Variants in SHQ1 observed in about 807,000 individuals in gnomAD.
SHQ1 encodes SHQ1, H/ACA ribonucleoprotein assembly factor, also known as protein SHQ1 homolog.
SHQ1 carries 49 observed loss-of-function variants against 53.8 expected under a neutral mutation model. That is an observed-to-expected ratio of 0.91 (90% confidence interval 0.72 to 1.16). The LOEUF (loss-of-function observed/expected upper bound fraction) is 1.16, where lower values mean the gene tolerates loss of function less well. Ranked by LOEUF, SHQ1 falls within the 50% of genes most tolerant of loss-of-function variation. The pLI is 0.00. For synonymous variants in SHQ1, 243 were observed against 251.0 expected, an observed-to-expected ratio of 0.97 and a Z score of 0.30; for missense variants, 738 against 683.1, an observed-to-expected ratio of 1.08 and a Z score of -0.90.
intron 10 of SHQ1, among the ~76,000 whole-genome samples, chr3:72,776,586 T>C (rs1406520925): frequency 6.6e-6 from 1 of 152,066 alleles, no homozygotes; most frequent in Admixed American, 6.5e-5. Flanking sequence ...AGTAATTTTT[T>C]TAAAAAAGTA....
chr3:72,836,284 T>TA (rs1332566067), intron 4 of SHQ1, among the ~76,000 whole-genome samples: 1 of 152,138 alleles, frequency 6.6e-6, no homozygotes, highest in Non-Finnish European at 1.5e-5. Context: ...GGTCAGGAGA[T>TA]AGAGATCATC....
intron 9 of SHQ1, among the ~76,000 whole-genome samples, chr3:72,800,264 T>A (rs1021251582): frequency 1.3e-5 from 2 of 152,202 alleles, no homozygotes; most frequent in African/African-American, 4.8e-5. Context: ...GCCAATAATT[T>A]ATGTTCTTTA....
intron 5 of SHQ1, among the ~76,000 whole-genome samples, chr3:72,827,163 T>C (rs976989544): frequency 5.9e-5 from 9 of 152,130 alleles, no homozygotes; most frequent in Admixed American, 4.6e-4. Flanking sequence ...GACAACAGTG[T>C]CCTTCGTTGA....
rs1258986427 is a variant in SHQ1 at position 72,749,473 on chromosome 3, T to A, written c.*811A>T. 4.6e-6 allele frequency: 1 copy of A among 216,418 alleles called. No homozygotes were observed. Among genetic ancestry groups the A allele is most frequent in the East Asian group, 6.8e-5 (1 of 14,666 alleles). The allele number at this position is 216,418 out of a possible 1,614,324, so 13.4% of individuals were successfully genotyped here. On this transcript the variant is annotated 3_prime_UTR_variant, in exon 11 of 11. Coordinates refer to ENST00000325599, the MANE Select transcript of SHQ1 (RefSeq NM_018130.3). ...ATAACTATACTGAGTAAAATATGCC[T>A]GACCAAAAAAGGGATACATATTGTA...
intron 5 of SHQ1, among the ~76,000 whole-genome samples, chr3:72,827,177 A>C (rs1012650320): frequency 6.6e-6 from 1 of 151,722 alleles, no homozygotes; most frequent in Non-Finnish European, 1.5e-5. Context: ...TCGTTGAGAC[A>C]GGGAAGCTAA....
At position 72,841,192 on chromosome 3, in the gene SHQ1, A is replaced by G; in HGVS notation, c.339T>C (p.Ser113=). ...CGTCAACTACTTCCTCAGGAATCTC[A>G]GAAGCACCTGAATGTGTTAAATTTT... ...AKPLVEEIGA[S]EIPEEVVDDE... Residue 113 remains serine (S), a synonymous_variant, in exon 4 of 11, where the codon TCT becomes TCC. Coordinates refer to ENST00000325599, the MANE Select transcript of SHQ1 (RefSeq NM_018130.3). 1 of 1,609,926 alleles carries G rather than the reference A, an allele frequency of 6.2e-7. No individual in the cohort carries two copies. The highest frequency in any genetic ancestry group is 1.7e-5 in the Admixed American group (1 of 59,514).
the SHQ1 span, among the ~76,000 whole-genome samples, chr3:72,735,291 G>A: frequency 6.7e-6 from 1 of 150,368 alleles, no homozygotes; most frequent in African/African-American, 2.5e-5. Flanking sequence ...AGTGGGGGCG[G>A]TTCTTCCGCT....
At chr3:72,841,535 A>T (rs557937506) in intron 3 of SHQ1, among the ~76,000 whole-genome samples, 1 of 152,318 alleles carries the variant, frequency 6.6e-6, no homozygotes, top group East Asian at 1.9e-4. Flanking sequence ...AACAGGCAAA[A>T]CAGAGGATAG....
chr3:72,726,701 C>G, the SHQ1 span, among the ~76,000 whole-genome samples: 17 of 152,186 alleles, frequency 1.1e-4, no homozygotes, highest in Non-Finnish European at 1.5e-4. Flanking sequence ...CATTCCAGCA[C>G]AAGCTCAGGG....
chr3:72,807,053 C>G (rs1199657848), intron 9 of SHQ1, among the ~76,000 whole-genome samples: 2 of 152,078 alleles, frequency 1.3e-5, no homozygotes, highest in Admixed American at 6.5e-5. Flanking sequence ...GGCATACATT[C>G]AAAATATGTG....
the SHQ1 span, among the ~76,000 whole-genome samples, chr3:72,736,093 G>C: frequency 1.3e-5 from 2 of 151,686 alleles, no homozygotes; most frequent in East Asian, 3.8e-4. Flanking sequence ...TGATTGACTA[G>C]GCTTGAGACA....
chr3:72,735,889 A>ATCTCTC, the SHQ1 span, among the ~76,000 whole-genome samples: 8 of 145,502 alleles, frequency 5.5e-5, no homozygotes, highest in South Asian at 1.8e-3. Context: ...AAATGTGTCA[A>ATCTCTC]TCTCTCTCTC....
At chr3:72,814,996 T>C (rs940493242) in intron 8 of SHQ1, among the ~76,000 whole-genome samples, 3 of 152,096 alleles carry the variant, frequency 2.0e-5, no homozygotes, top group East Asian at 1.9e-4. Context: ...TGTGTGTGTG[T>C]TCTTAGCATA....
chr3:72,848,224 C>A lies in SHQ1; in HGVS notation c.117G>T (p.Lys39Asn). The change falls in exon 1 of 11, where the codon AAG (lysine) becomes AAT (asparagine). Residue 39 changes from lysine (K) to asparagine (N), a missense_variant. By Grantham distance (94) the Lys-to-Asn change is moderately conservative. Transcript: ENST00000325599. ...TGAGAAAGTATGGCTTGGCGTAGAA[C>A]TTGAAGTCAGACCCCTCGAAGTAGA... Reference protein sequence around the residue: ...FDVYFEGSDFKFYAKPYFLRL... With the variant: ...FDVYFEGSDFNFYAKPYFLRL... 2 of 1,614,208 alleles carry A rather than the reference C, an allele frequency of 1.2e-6. No individual in the cohort carries two copies. Among genetic ancestry groups the A allele is most frequent in the Non-Finnish European group, 1.7e-6 (2 of 1,180,046 alleles).
chr3:72,822,082 C>A (rs1359205115), intron 6 of SHQ1, among the ~76,000 whole-genome samples: 1 of 152,190 alleles, frequency 6.6e-6, no homozygotes. Flanking sequence ...CAGGACAACT[C>A]TGAGGTAGGT....
At chr3:72,785,247 G>A (rs967121741) in intron 10 of SHQ1, among the ~76,000 whole-genome samples, 2 of 152,204 alleles carry the variant, frequency 1.3e-5, no homozygotes, top group Admixed American at 1.3e-4. Context: ...GTATCCAGCT[G>A]TACTCTTGAA....
At chr3:72,813,132 T>C (rs1707176939) in intron 8 of SHQ1, among the ~76,000 whole-genome samples, 1 of 152,160 alleles carries the variant, frequency 6.6e-6, no homozygotes. Context: ...ATAATTTACA[T>C]TTCATGTTTT....
At chr3:72,824,803 T>TA (rs201228511) in intron 5 of SHQ1, among the ~76,000 whole-genome samples, 2,982 of 146,254 alleles carry the variant, frequency 0.02, 109 homozygotes, top group African/African-American at 0.071. Context: ...TTTTTTTTTT[T>TA]AACTTTTTTT....
At position 72,848,184 on chromosome 3, in the gene SHQ1, C is replaced by T; in HGVS notation, c.143+14G>A. 1 of 1,614,128 alleles carries T rather than the reference C, an allele frequency of 6.2e-7. No homozygotes were observed. The highest frequency in any genetic ancestry group is 8.5e-7 in the Non-Finnish European group (1 of 1,180,006). On this transcript the variant is annotated intron_variant, in intron 1 of 10. Coordinates refer to ENST00000325599, the MANE Select transcript of SHQ1 (RefSeq NM_018130.3). ...CGAATGCGCCTTTCCTGCGGCCAGG[C>T]ACCCCGAACTCGCCTGAGAAAGTAT... is the stretch of plus-strand genomic sequence containing the variant.
Sources: gnomAD v4.1 joint callset for allele counts (sites outside exome capture counted in the v4.1 genomes callset) on GRCh38, gnomAD v4.1.1 for gene constraint, MANE v1.5 for transcripts, NCBI Gene and HGNC (gene_info 2026-07-23, HGNC 2026-07-21) for gene names.